The following IL1RAPL2 variants were observed in gnomAD, a reference collection of about 807,000 sequenced individuals.
IL1RAPL2 encodes X-linked interleukin-1 receptor accessory protein-like 2.
A neutral mutation model predicts 44.1 loss-of-function variants in IL1RAPL2; 3 were observed. The observed-to-expected ratio is 0.07, with a 90% CI of 0.03 to 0.18. The LOEUF (loss-of-function observed/expected upper bound fraction) is 0.18. IL1RAPL2 is among the 10% of genes least tolerant of loss of function. The pLI is 1.00. For missense variants in IL1RAPL2, 391 were observed against 496.4 expected (o/e 0.79, Z 2.02); for synonymous variants, 181 against 178.8 (o/e 1.01, Z -0.10).
chrX:105,727,233 A>G (rs1453970790), intron 7 of IL1RAPL2, among the ~76,000 whole-genome samples: 1 of 111,560 alleles, frequency 9.0e-6, no homozygotes, highest in Non-Finnish European at 1.9e-5. Flanking sequence ...TACCTCAATT[A>G]AGAAACCAAC....
intron 1 of IL1RAPL2, among the ~76,000 whole-genome samples, chrX:104,613,119 G>C (rs186838942): frequency 8.9e-6 from 1 of 112,089 alleles, no homozygotes; most frequent in East Asian, 2.8e-4. Flanking sequence ...CATCCATGAA[G>C]GGAAATAGTT....
At chrX:105,449,271 C>T (rs938804210) in intron 5 of IL1RAPL2, among the ~76,000 whole-genome samples, 1 of 111,182 alleles carries the variant, frequency 9.0e-6, no homozygotes, top group Admixed American at 9.6e-5. Context: ...AGAGGTACTG[C>T]TTTGGTGGTC....
At chrX:104,574,269 C>T (rs1369315266) in intron 1 of IL1RAPL2, among the ~76,000 whole-genome samples, 2 of 111,132 alleles carry the variant, frequency 1.8e-5, no homozygotes, top group African/African-American at 6.5e-5. Context: ...AGAACTTCCA[C>T]ATATTAATTA....
chrX:104,729,303 G>A (rs781009785), intron 2 of IL1RAPL2, among the ~76,000 whole-genome samples: 2 of 110,704 alleles, frequency 1.8e-5, no homozygotes, highest in Admixed American at 1.9e-4. Context: ...GCTTTAGAAG[G>A]CTAGTAGGGC....
chrX:105,249,579 G>A (rs2034252574), intron 4 of IL1RAPL2, among the ~76,000 whole-genome samples: 1 of 111,160 alleles, frequency 9.0e-6, no homozygotes, highest in African/African-American at 3.3e-5. Flanking sequence ...CACATTGGAT[G>A]TCTGTATCAA....
chrX:105,179,806 G>T (rs1602994685), intron 2 of IL1RAPL2, among the ~76,000 whole-genome samples: 1 of 102,837 alleles, frequency 9.7e-6, no homozygotes, highest in Middle Eastern at 5.1e-3. Context: ...CATTATTGAT[G>T]TATAAAAATG....
At chrX:105,291,034 G>A (rs1241414650) in intron 5 of IL1RAPL2, among the ~76,000 whole-genome samples, 1 of 111,447 alleles carries the variant, frequency 9.0e-6, no homozygotes, top group Non-Finnish European at 1.9e-5. Context: ...CCTATTTAAA[G>A]CCTCCTCTAG....
chrX:105,102,363 C>T (rs779671072), intron 2 of IL1RAPL2, among the ~76,000 whole-genome samples: 4 of 111,870 alleles, frequency 3.6e-5, no homozygotes, highest in Non-Finnish European at 7.5e-5. Flanking sequence ...CTACCCTCCC[C>T]AACACACCGC....
At chrX:104,815,013 G>T (rs1434107781) in intron 2 of IL1RAPL2, among the ~76,000 whole-genome samples, 1 of 112,266 alleles carries the variant, frequency 8.9e-6, no homozygotes, top group African/African-American at 3.2e-5. Flanking sequence ...CAAGTGCGGA[G>T]CAAGGAGCAG....
intron 2 of IL1RAPL2, among the ~76,000 whole-genome samples, chrX:105,070,830 G>T (rs7883602): frequency 9.1e-6 from 1 of 109,406 alleles, no homozygotes; most frequent in East Asian, 2.8e-4. Context: ...CATCTTCAAT[G>T]GTCTGATATA....
chrX:105,130,929 C>G (rs922999314), intron 2 of IL1RAPL2, among the ~76,000 whole-genome samples: 1 of 110,594 alleles, frequency 9.0e-6, no homozygotes, highest in African/African-American at 3.3e-5. Flanking sequence ...TATATAAATA[C>G]GAAATTTGAA....
chrX:105,277,944 C>T (rs1011574315), intron 5 of IL1RAPL2, among the ~76,000 whole-genome samples: 3 of 111,363 alleles, frequency 2.7e-5, no homozygotes, highest in Non-Finnish European at 5.7e-5. Flanking sequence ...TTATTTCCTT[C>T]ATTCTGCCTC....
At chrX:105,184,104 C>A (rs782090506) in intron 2 of IL1RAPL2, among the ~76,000 whole-genome samples, 2 of 111,858 alleles carry the variant, frequency 1.8e-5, no homozygotes, top group South Asian at 3.7e-4. Context: ...ACCCTTCCCC[C>A]ACATTGGAGA....
intron 2 of IL1RAPL2, among the ~76,000 whole-genome samples, chrX:105,186,188 T>C (rs1252068607): frequency 1.8e-5 from 2 of 111,223 alleles, no homozygotes; most frequent in Non-Finnish European, 3.8e-5. Flanking sequence ...CAATCCCCTG[T>C]GGATACTGAG....
intron 5 of IL1RAPL2, among the ~76,000 whole-genome samples, chrX:105,284,183 A>G (rs1022504579): frequency 1.5e-4 from 17 of 111,717 alleles, no homozygotes; most frequent in African/African-American, 5.5e-4. Flanking sequence ...GCCCCAATTT[A>G]TAGATAAAGG....
At chrX:105,457,455 G>C (rs914206187) in intron 5 of IL1RAPL2, among the ~76,000 whole-genome samples, 1 of 109,526 alleles carries the variant, frequency 9.1e-6, no homozygotes, top group African/African-American at 3.3e-5. Flanking sequence ...CTTTTTGTCT[G>C]TGTACATTTG....
In IL1RAPL2 at chrX:105,335,989, A is replaced by G. The variant is rs184109376; in HGVS notation, c.697+68448A>G. 7.1e-5 allele frequency among the ~76,000 whole-genome samples: 8 copies of G among 112,284 alleles called. No homozygotes were observed. In the East Asian group the frequency reaches 2.3e-3, roughly 32 times the overall value. ...TAAAAATTCATACCCAAATGAGTAC[A>G]GTTATTGGTTAAGATGAAATGTTTC... On this transcript the variant is annotated intron_variant, in intron 5 of 10. Coordinates refer to ENST00000372582, the MANE Select transcript of IL1RAPL2 (RefSeq NM_017416.2).
intron 2 of IL1RAPL2, among the ~76,000 whole-genome samples, chrX:104,799,112 G>A (rs745623821): frequency 1.8e-5 from 2 of 110,985 alleles, no homozygotes; most frequent in Non-Finnish European, 3.8e-5. Flanking sequence ...ACTGAGGTTC[G>A]GAGAAGTTAA....
chrX:104,628,744 A>G (rs1187136348), intron 1 of IL1RAPL2, among the ~76,000 whole-genome samples: 2 of 111,929 alleles, frequency 1.8e-5, no homozygotes, highest in African/African-American at 6.5e-5. Flanking sequence ...GTAGTAATTT[A>G]TGTTCCCACC....
Sources: allele counts gnomAD v4.1 joint callset (sites outside exome capture counted in the v4.1 genomes callset), GRCh38; gene constraint gnomAD v4.1.1; transcripts MANE v1.5; gene names NCBI Gene and HGNC (gene_info 2026-07-23, HGNC 2026-07-21).